Variants in NARF observed in about 807,000 individuals in gnomAD.
NARF encodes nuclear prelamin A recognition factor.
A neutral mutation model predicts 48.0 loss-of-function variants in NARF; 41 were observed. The ratio of observed to expected loss-of-function variants is 0.85; its 90% CI spans 0.66 to 1.11. NARF has a LOEUF of 1.11. NARF is among the 50% of genes least tolerant of loss of function. NARF has a pLI of 0.00. For missense variants in NARF, 613 were observed against 590.2 expected, an observed-to-expected ratio of 1.04 and a Z score of -0.40; for synonymous variants, 215 against 225.5, an observed-to-expected ratio of 0.95 and a Z score of 0.42.
In NARF at chr17:82,487,902, T is replaced by A. The variant is rs1375285630; in HGVS notation, c.1130-14T>A. The A allele has an allele frequency of 6.2e-7, 1 of 1,613,694 alleles. No homozygotes were observed. Among genetic ancestry groups the A allele is most frequent in the African/African-American group, 1.3e-5 (1 of 74,914 alleles). On this transcript the variant is annotated splice_polypyrimidine_tract_variant and intron_variant, in intron 10 of 10. Transcript: ENST00000309794. ...CCTGAGCCCAGGATAAACTTACCTG[T>A]GTTTATCTTTCAGGATGCTTAAATG...
At chr17:82,481,795 C>T (rs1190985624) in intron 7 of NARF, 3 of 428,384 alleles carry the variant, frequency 7.0e-6, no homozygotes, top group South Asian at 1.7e-5. Context: ...GTGGCCCTAA[C>T]TTTACATTAC....
At chr17:82,473,298 T>TA (rs1350593725) in intron 5 of NARF, among the ~76,000 whole-genome samples, 1 of 148,546 alleles carries the variant, frequency 6.7e-6, no homozygotes, top group East Asian at 2.0e-4. Flanking sequence ...TGTCTCTATT[T>TA]TTTTTTTTTT....
At chr17:82,472,528 C>A in intron 4 of NARF, 36 bp from the exon 5 acceptor site, 1 of 1,545,070 alleles carries the variant, frequency 6.5e-7, no homozygotes, top group Non-Finnish European at 8.7e-7. Flanking sequence ...TCTTTTAGTA[C>A]GTGATTTAAG....
chr17:82,472,543 A>C (rs751708327), intron 4 of NARF, 21 bp from the exon 5 acceptor site: 12 of 1,590,986 alleles, frequency 7.5e-6, no homozygotes, highest in African/African-American at 1.4e-5. Context: ...TTTAAGCTGA[A>C]TATGCTCCTC....
At chr17:82,469,837 C>A (rs1482403975) in intron 4 of NARF, among the ~76,000 whole-genome samples, 1 of 152,152 alleles carries the variant, frequency 6.6e-6, no homozygotes, top group Non-Finnish European at 1.5e-5. Context: ...ATCTCTTGAC[C>A]TCGTGATCCA....
intron 3 of NARF, among the ~76,000 whole-genome samples, chr17:82,466,150 G>A (rs2043561537): frequency 6.6e-6 from 1 of 152,164 alleles, no homozygotes; most frequent in Non-Finnish European, 1.5e-5. Context: ...GACTACTAGA[G>A]ACTTAATTCT....
At chr17:82,472,817 A>C (rs1266729657) in intron 5 of NARF, 119 bp downstream of exon 5, 2 of 1,269,662 alleles carry the variant, frequency 1.6e-6, no homozygotes, top group East Asian at 5.4e-5. Flanking sequence ...CTTGTAGACC[A>C]GGAGGGAAGA....
Position 82,488,298 on chromosome 17 carries a change from CT to C in NARF, c.*142del, listed in dbSNP as rs1248872443. The C allele has an allele frequency of 6.0e-6, 8 of 1,336,538 alleles. No homozygotes were observed. The highest frequency in any genetic ancestry group is 7.9e-6 in the Non-Finnish European group (8 of 1,006,730). 82.8% of individuals were successfully genotyped at this position (1,336,538 alleles called of 1,614,324 possible). On this transcript the variant is annotated 3_prime_UTR_variant, in exon 11 of 11. Coordinates refer to ENST00000309794, the MANE Select transcript of NARF (RefSeq NM_012336.4). ...TACTTTGGTTTCTCCGAGTTCCCTG[CT>C]ACCCCGTTTATTGGAGGCCCCTCAG... is the stretch of plus-strand genomic sequence containing the variant.
At chr17:82,458,625 T>C (rs1010652378), upstream of NARF, 35 of 739,662 alleles carry the variant, frequency 4.7e-5, no homozygotes, top group Non-Finnish European at 6.2e-5. Flanking sequence ...GGGAATCCTA[T>C]TGGCCCAGGG....
Position 82,466,672 on chromosome 17 carries a change from C to T in NARF, c.253-2092C>T, listed in dbSNP as rs139733507. 6.7e-3 allele frequency among the ~76,000 whole-genome samples: 1,017 copies of T among 151,470 alleles called. 14 individuals are homozygous for T. The highest frequency in any genetic ancestry group is 0.023 in the African/African-American group (948 of 41,272). On this transcript the variant is annotated intron_variant, in intron 3 of 10. Transcript: ENST00000309794. ...TTCATCATGTTGGCCAGGCTGGTCT[C>T]GAACTCCTGACCTCAAGTGATGTGC... is the stretch of plus-strand genomic sequence containing the variant.
intron 2 of NARF, among the ~76,000 whole-genome samples, chr17:82,461,565 C>T (rs1006437277): frequency 1.3e-5 from 2 of 152,162 alleles, no homozygotes; most frequent in East Asian, 1.9e-4. Flanking sequence ...GAGCCGAGAT[C>T]ACGCCACTGC....
rs1327726175 is a variant in NARF at position 82,460,088 on chromosome 17, A to G, written c.108+16A>G. Reference sequence around the variant, plus strand: ...AAATGGAGAGGCAAGTAGATTTTTCAGTTTTGTATCAGCCCAGAGTAAACT... The same window carrying G: ...AAATGGAGAGGCAAGTAGATTTTTCGGTTTTGTATCAGCCCAGAGTAAACT... On this transcript the variant is annotated intron_variant, in intron 2 of 10. Transcript: ENST00000309794. 4 of 1,609,620 alleles carry G rather than the reference A, an allele frequency of 2.5e-6. No homozygotes were observed. Among genetic ancestry groups the G allele is most frequent in the Non-Finnish European group, 3.4e-6 (4 of 1,176,278 alleles).
At chr17:82,472,028 C>G (rs1402387766) in intron 4 of NARF, among the ~76,000 whole-genome samples, 1 of 152,054 alleles carries the variant, frequency 6.6e-6, no homozygotes, top group Non-Finnish European at 1.5e-5. Flanking sequence ...ATCATACACG[C>G]TCATTGTTTA....
At chr17:82,467,766 A>G (rs1041671686) in intron 3 of NARF, among the ~76,000 whole-genome samples, 1 of 152,090 alleles carries the variant, frequency 6.6e-6, no homozygotes, top group Non-Finnish European at 1.5e-5. Context: ...AGCCTCCCAC[A>G]GTTCTGGGAT....
intron 2 of NARF, among the ~76,000 whole-genome samples, chr17:82,461,879 T>C (rs997713177): frequency 2.0e-5 from 3 of 152,192 alleles, no homozygotes; most frequent in Non-Finnish European, 4.4e-5. Flanking sequence ...CTGTGGGGAC[T>C]GTGGGGCTTA....
intron 2 of NARF, chr17:82,464,010 C>A: frequency 2.8e-6 from 1 of 355,096 alleles, no homozygotes; most frequent in Non-Finnish European, 5.1e-6. Flanking sequence ...CATTTACTTC[C>A]TACCACGTGA....
At chr17:82,458,526 G>T, upstream of NARF, 1 of 397,674 alleles carries the variant, frequency 2.5e-6, no homozygotes, top group Non-Finnish European at 4.4e-6. Context: ...GAGTGAGCCT[G>T]CGGTCCGCCC....
At position 82,464,374 on chromosome 17, in the gene NARF, G is replaced by C. The variant is rs751412405; in HGVS notation, c.196G>C (p.Val66Leu). 4 of 1,614,004 alleles carry C rather than the reference G, an allele frequency of 2.5e-6. No individual in the cohort carries two copies. The highest frequency in any genetic ancestry group is 1.6e-4 in the Middle Eastern group (1 of 6,082). The stretch of plus-strand genomic sequence containing the variant: ...CAGCTGTATGACTGCAGAGGAAGGA[G>C]TCCAACTTTCCCAGCAAAATGCCAA... Reference protein sequence around the residue: ...CDSCMTAEEGVQLSQQNAKDF... With the variant: ...CDSCMTAEEGLQLSQQNAKDF... Residue 66 changes from valine (V) to leucine (L), a missense_variant, in exon 3 of 11, where the codon GTC (valine) becomes CTC (leucine). Coordinates refer to ENST00000309794, the MANE Select transcript of NARF (RefSeq NM_012336.4).
At position 82,489,175 on chromosome 17, in the gene NARF, C is replaced by T. The variant is rs1422263127; in HGVS notation, c.*1018C>T. On this transcript the variant is annotated 3_prime_UTR_variant, in exon 11 of 11. Transcript: ENST00000309794. ...CCCATTCCTCACAGCCAGTCACCAC[C>T]CTCCTGGACCATACTCGGCCCTGGG... 3.2e-5 allele frequency: 5 copies of T among 158,152 alleles called. No individual in the cohort carries two copies. Among genetic ancestry groups the T allele is most frequent in the Non-Finnish European group, 7.0e-5 (5 of 71,244 alleles). The allele number at this position is 158,152 out of a possible 1,614,324, so 9.8% of individuals were successfully genotyped here. A position where few individuals can be genotyped will look rare whatever the true frequency, so the allele number is the denominator to read the frequency against.
Sources: gnomAD v4.1 joint callset for allele counts (sites outside exome capture counted in the v4.1 genomes callset) on GRCh38, gnomAD v4.1.1 for gene constraint, MANE v1.5 for transcripts, NCBI Gene and HGNC (gene_info 2026-07-23, HGNC 2026-07-21) for gene names.